Variants in NCAM1 observed in about 807,000 individuals in gnomAD.
NCAM1 encodes antigen recognized by monoclonal antibody 5.1H11.
In NCAM1, 14 loss-of-function variants were observed where a neutral mutation model predicts 109.8. That is an observed-to-expected ratio of 0.13 (90% CI 0.08 to 0.20). The LOEUF (loss-of-function observed/expected upper bound fraction) is 0.20. NCAM1 is among the 10% of genes least tolerant of loss of function. The pLI, the probability that NCAM1 is intolerant of heterozygous loss-of-function variation, is 1.00. For missense variants in NCAM1, 774 were observed against 1,109.9 expected (o/e 0.70, Z 4.30); for synonymous variants, 418 against 442.9 (o/e 0.94, Z 0.70).
chr11:113,234,988 AT>A, intron 13 of NCAM1, 44 bp from the exon 14 acceptor site: 1 of 1,522,672 alleles, frequency 6.6e-7, no homozygotes, highest in Non-Finnish European at 8.9e-7. Flanking sequence ...CGGCTGCACC[AT>A]TTTAACAATA....
At chr11:112,969,133 A>T (rs917491393) in intron 1 of NCAM1, among the ~76,000 whole-genome samples, 3 of 152,130 alleles carry the variant, frequency 2.0e-5, no homozygotes, top group African/African-American at 7.2e-5. Context: ...CTTTCATTAG[A>T]TGGAGCAGGA....
At chr11:113,226,493 C>T (rs959878587) in intron 9 of NCAM1, among the ~76,000 whole-genome samples, 2 of 152,200 alleles carry the variant, frequency 1.3e-5, no homozygotes, top group South Asian at 2.1e-4. Flanking sequence ...GAGACTTTAA[C>T]ACCCACTGTC....
chr11:113,040,460 G>GCT (rs1953035913), intron 1 of NCAM1, among the ~76,000 whole-genome samples: 2 of 152,148 alleles, frequency 1.3e-5, no homozygotes, highest in Admixed American at 6.5e-5. Flanking sequence ...GGTTTTATGG[G>GCT]CTGTGTGGTC....
intron 1 of NCAM1, among the ~76,000 whole-genome samples, chr11:113,094,434 T>C (rs2885208): frequency 0.2 from 30,751 of 152,060 alleles, 3,371 homozygotes; most frequent in East Asian, 0.48. Flanking sequence ...CCTTCAGAGA[T>C]TGAACTACAT....
chr11:113,176,139 T>G (rs1001763288), intron 1 of NCAM1, among the ~76,000 whole-genome samples: 25 of 152,186 alleles, frequency 1.6e-4, no homozygotes, highest in Non-Finnish European at 3.1e-4. Flanking sequence ...ACTCTACTGT[T>G]GAGAACACCA....
At chr11:113,001,034 T>C (rs1479280400) in intron 1 of NCAM1, among the ~76,000 whole-genome samples, 2 of 152,036 alleles carry the variant, frequency 1.3e-5, no homozygotes, top group Middle Eastern at 3.2e-3. Context: ...AATCCCAAAA[T>C]AGAAATTCTC....
chr11:113,147,537 C>T (rs1234136412), intron 1 of NCAM1, among the ~76,000 whole-genome samples: 2 of 152,218 alleles, frequency 1.3e-5, no homozygotes, highest in African/African-American at 4.8e-5. Flanking sequence ...AATGAGGTCA[C>T]CTCTCAGCAC....
At chr11:113,182,417 C>A (rs1555108130) in intron 1 of NCAM1, among the ~76,000 whole-genome samples, 1 of 152,142 alleles carries the variant, frequency 6.6e-6, no homozygotes, top group Non-Finnish European at 1.5e-5. Context: ...CTCTTCTGGG[C>A]CCTGAATGTG....
chr11:113,042,331 C>A (rs10891494), intron 1 of NCAM1, among the ~76,000 whole-genome samples: 16,970 of 152,196 alleles, frequency 0.11, 1,433 homozygotes, highest in South Asian at 0.39. Flanking sequence ...TCCCAGACAC[C>A]GAATTCAGTG....
intron 1 of NCAM1, among the ~76,000 whole-genome samples, chr11:113,076,294 T>C (rs1462576111): frequency 6.6e-6 from 1 of 152,208 alleles, no homozygotes; most frequent in African/African-American, 2.4e-5. Flanking sequence ...TTAGTTCTGC[T>C]CCTTGCCAAA....
chr11:113,253,260 G>GATAACTTTTTCAACATTTT, intron 15 of NCAM1, among the ~76,000 whole-genome samples: 1 of 152,192 alleles, frequency 6.6e-6, no homozygotes, highest in East Asian at 1.9e-4. Context: ...AAACTTTTGA[G>GATAACTTTTTCAACATTTT]ATAACTTTTT....
intron 1 of NCAM1, among the ~76,000 whole-genome samples, chr11:113,028,961 T>A (rs1952637372): frequency 6.6e-6 from 1 of 152,228 alleles, no homozygotes; most frequent in African/African-American, 2.4e-5. Context: ...AGAGGTCATC[T>A]CTTAATGCTA....
chr11:113,111,186 G>A (rs1225852178), intron 1 of NCAM1, among the ~76,000 whole-genome samples: 2 of 152,112 alleles, frequency 1.3e-5, no homozygotes, highest in African/African-American at 4.8e-5. Flanking sequence ...CACAGCATTT[G>A]TGTGTGATAT....
chr11:113,012,342 T>C (rs1470349111), intron 1 of NCAM1, among the ~76,000 whole-genome samples: 1 of 152,112 alleles, frequency 6.6e-6, no homozygotes, highest in East Asian at 1.9e-4. Context: ...ATTTAAGACA[T>C]TATTGGGAAA....
intron 17 of NCAM1, chr11:113,262,776 C>T: frequency 5.2e-6 from 8 of 1,537,910 alleles, no homozygotes; most frequent in Non-Finnish European, 7.1e-6. Context: ...GTCACTGGGA[C>T]ATCCCCACTG....
At position 113,117,313 on chromosome 11, in the gene NCAM1, G is replaced by A. The variant is rs150228891; in HGVS notation, c.53-85066G>A. Among the ~76,000 whole-genome samples the A allele has an allele frequency of 7.4e-4, 113 of 152,102 alleles. 2 individuals carry two copies. The highest frequency in any genetic ancestry group is 2.6e-3 in the African/African-American group (108 of 41,364). ...TTTCCACTGCAGGGGTCTTCAGACA[G>A]TGTTCTAGGAAACATGGTTTAATAA... On this transcript the variant is annotated intron_variant, in intron 1 of 19. Transcript: ENST00000316851.
chr11:113,237,135 G>C (rs1319662250), intron 14 of NCAM1, among the ~76,000 whole-genome samples: 3 of 152,142 alleles, frequency 2.0e-5, no homozygotes, highest in African/African-American at 7.2e-5. Flanking sequence ...AGGACACAGG[G>C]AACAAGGGTA....
At chr11:113,158,327 A>T (rs1447918704) in intron 1 of NCAM1, among the ~76,000 whole-genome samples, 2 of 152,210 alleles carry the variant, frequency 1.3e-5, no homozygotes, top group Admixed American at 1.3e-4. Context: ...CCAAGTCTGG[A>T]TAACTTTGTT....
In NCAM1 at chr11:113,090,351, T is replaced by C. The variant is rs958057235; in HGVS notation, c.53-112028T>C. Among the ~76,000 whole-genome samples the C allele has an allele frequency of 3.3e-5, 5 of 152,334 alleles. No individual in the cohort carries two copies. In the East Asian group the frequency reaches 7.7e-4, roughly 23 times the overall value. ...ATACATCTTCTGTAAGGGAGAAGTT[T>C]TGCATCACTGAACAATAAAGCAGGA... On this transcript the variant is annotated intron_variant, in intron 1 of 19. Coordinates refer to ENST00000316851, the MANE Select transcript of NCAM1 (RefSeq NM_181351.5).
Sources: allele counts gnomAD v4.1 joint callset (sites outside exome capture counted in the v4.1 genomes callset), GRCh38; gene constraint gnomAD v4.1.1; transcripts MANE v1.5; gene names NCBI Gene and HGNC (gene_info 2026-07-23, HGNC 2026-07-21).